Variants in PAH observed in about 807,000 individuals in gnomAD.
PAH encodes the protein phenylalanine-4-hydroxylase.
In PAH, 64 loss-of-function variants were observed where a neutral mutation model predicts 62.0. The observed-to-expected ratio is 1.03, with a 90% CI of 0.84 to 1.27. The LOEUF (loss-of-function observed/expected upper bound fraction) is 1.27. Ranked by LOEUF, PAH falls within the 50% of genes most tolerant of loss-of-function variation. The probability of loss-of-function intolerance (pLI) is 0.00; values close to 1 mark genes in which losing one functional copy is unlikely to be tolerated. For missense variants in PAH, 579 were observed against 542.8 expected, an observed-to-expected ratio of 1.07 and a Z score of -0.66; for synonymous variants, 195 against 196.2, an observed-to-expected ratio of 0.99 and a Z score of 0.05.
upstream of PAH, among the ~76,000 whole-genome samples, chr12:102,954,208 C>T (rs2136780388): frequency 6.6e-6 from 1 of 152,304 alleles, no homozygotes; most frequent in East Asian, 1.9e-4. Flanking sequence ...CTTTTCATGT[C>T]TAAAAATCGG....
intron 9 of PAH, among the ~76,000 whole-genome samples, chr12:102,845,044 T>A (rs867713476): frequency 6.6e-6 from 1 of 152,112 alleles, no homozygotes; most frequent in Non-Finnish European, 1.5e-5. Context: ...TCTCTGGAGA[T>A]CTTTGACTAG....
chr12:102,919,397 GA>G (rs1172517437), upstream of PAH, among the ~76,000 whole-genome samples: 1 of 152,070 alleles, frequency 6.6e-6, no homozygotes, highest in Non-Finnish European at 1.5e-5. Context: ...TCACATCATT[GA>G]AAATGGGGCA....
chr12:102,847,117 C>A (rs1874887064), intron 8 of PAH, 166 bp from the exon 9 acceptor site: 2 of 661,684 alleles, frequency 3.0e-6, no homozygotes, highest in East Asian at 5.5e-5. Context: ...GTTATAGAAT[C>A]ACAGATCTCC....
intron 4 of PAH, among the ~76,000 whole-genome samples, chr12:102,867,217 C>T (rs772768888): frequency 7.2e-5 from 11 of 152,080 alleles, no homozygotes; most frequent in African/African-American, 2.7e-4. Flanking sequence ...CTGTTCTTTC[C>T]GGAATAAATG....
intron 2 of PAH, among the ~76,000 whole-genome samples, chr12:102,901,637 G>A (rs563311213): frequency 6.6e-6 from 1 of 151,858 alleles, no homozygotes; most frequent in South Asian, 2.1e-4. Flanking sequence ...AAGAAGGAAA[G>A]CCTAGGCATC....
intron 1 of PAH, chr12:102,946,662 C>T: frequency 6.5e-6 from 1 of 152,772 alleles, no homozygotes; most frequent in Non-Finnish European, 1.5e-5. Context: ...GTTGCATCAG[C>T]AATTCAAGAC....
At chr12:102,847,138 G>A (rs1332676136) in intron 8 of PAH, 187 bp from the exon 9 acceptor site, 7 of 630,780 alleles carry the variant, frequency 1.1e-5, no homozygotes, top group Non-Finnish European at 1.7e-5. Context: ...AGGGTAGGGG[G>A]ATCCTTCCAC....
chr12:102,848,977 A>C (rs982003248), intron 8 of PAH, among the ~76,000 whole-genome samples: 4 of 152,130 alleles, frequency 2.6e-5, no homozygotes, highest in Non-Finnish European at 5.9e-5. Flanking sequence ...GGACACCAGG[A>C]GACTGGAGAG....
chr12:102,871,658 C>T (rs749508043), intron 4 of PAH, among the ~76,000 whole-genome samples: 5 of 152,106 alleles, frequency 3.3e-5, no homozygotes, highest in Non-Finnish European at 5.9e-5. Context: ...TGCAGTGGCT[C>T]ATGCCTGTAA....
intron 5 of PAH, among the ~76,000 whole-genome samples, chr12:102,864,068 C>A (rs1446649211): frequency 1.3e-5 from 2 of 152,124 alleles, no homozygotes; most frequent in Non-Finnish European, 2.9e-5. Context: ...TCAATTACCC[C>A]TGCCCTCATG....
At chr12:102,886,042 G>T in intron 3 of PAH, 1 of 152,400 alleles carries the variant, frequency 6.6e-6, no homozygotes. Context: ...CCTGCAGGAG[G>T]AAGACTTTTG....
In PAH at chr12:102,852,932, A is replaced by T; in HGVS notation, c.725T>A (p.Leu242His). 1 of 1,614,116 alleles carries T rather than the reference A, an allele frequency of 6.2e-7. No individual in the cohort carries two copies. The highest frequency in any genetic ancestry group is 8.5e-7 in the Non-Finnish European group (1 of 1,180,004). ...GGAAAGCAGGCCAGCCACAGGTCGG[A>T]GGCGGAAACCAGTGCAAGCTGGGAT... ...QFLQTCTGFR[L>H]RPVAGLLSSR... Residue 242 changes from leucine (L) to histidine (H), a missense_variant, in exon 7 of 13, where the codon CTC becomes CAC. Coordinates refer to ENST00000553106, the MANE Select transcript of PAH (RefSeq NM_000277.3).
intron 5 of PAH, among the ~76,000 whole-genome samples, chr12:102,864,362 C>T (rs1169057352): frequency 6.6e-6 from 1 of 152,030 alleles, no homozygotes; most frequent in African/African-American, 2.4e-5. Context: ...CGCACCAGCC[C>T]CTGAAGTCTA....
rs79846119 is a variant in PAH, at chr12:102,923,874, T to C, written c.-95-6649A>G. Among the ~76,000 whole-genome samples the C allele has an allele frequency of 9.0e-3, 1,373 of 152,306 alleles. 9 individuals carry two copies. Among genetic ancestry groups the C allele is most frequent in the Non-Finnish European group, 0.014 (941 of 68,016 alleles). ...TTTGGGGTTATCTCACCGTGCAGCC[T>C]ATTTTAAGAAAAACATACCTTTGTC... On this transcript the variant is annotated intron_variant, in intron 1 of 3. Coordinates refer to the PAH transcript ENST00000546844.
chr12:102,877,197 G>A (rs112027859), intron 4 of PAH: 161 of 498,818 alleles, frequency 3.2e-4, no homozygotes, highest in African/African-American at 2.7e-3. Context: ...CTGTGTGTGT[G>A]TTTGTGCATA....
chr12:102,904,012 A>C, intron 2 of PAH, among the ~76,000 whole-genome samples: 1 of 152,160 alleles, frequency 6.6e-6, no homozygotes, highest in Middle Eastern at 3.2e-3. Flanking sequence ...GCACTACAGA[A>C]AATGTTTAAA....
At chr12:102,841,371 A>T (rs907969868) in intron 11 of PAH, among the ~76,000 whole-genome samples, 10 of 152,162 alleles carry the variant, frequency 6.6e-5, no homozygotes, top group African/African-American at 2.2e-4. Flanking sequence ...TGAAAATACA[A>T]TGTTACGGGA....
chr12:102,926,635 A>T (rs1257135670), intron 1 of PAH, among the ~76,000 whole-genome samples: 1 of 152,046 alleles, frequency 6.6e-6, no homozygotes, highest in Non-Finnish European at 1.5e-5. Context: ...CTATTTTTCA[A>T]GAACTTATCA....
intron 4 of PAH, among the ~76,000 whole-genome samples, chr12:102,868,907 T>G (rs1006477777): frequency 6.6e-6 from 1 of 152,228 alleles, no homozygotes; most frequent in Non-Finnish European, 1.5e-5. Flanking sequence ...CTAAGGATAA[T>G]ATGTAGACTT....
Sources: gnomAD v4.1 joint callset for allele counts (sites outside exome capture counted in the v4.1 genomes callset) on GRCh38, gnomAD v4.1.1 for gene constraint, MANE v1.5 for transcripts, NCBI Gene and HGNC (gene_info 2026-07-23, HGNC 2026-07-21) for gene names.